NLGN4X: variants seen among roughly 807,000 people sequenced by gnomAD.
NLGN4X encodes the protein neuroligin-4, X-linked.
NLGN4X carries 3 observed loss-of-function variants against 40.3 expected under a neutral mutation model. The observed-to-expected ratio is 0.07, with a 90% CI of 0.03 to 0.19. The LOEUF (loss-of-function observed/expected upper bound fraction) is 0.19. Among genes scored for constraint, NLGN4X ranks in the 10% least tolerant of loss-of-function variants. NLGN4X has a pLI of 1.00. For synonymous variants in NLGN4X, 270 were observed against 306.8 expected, an observed-to-expected ratio of 0.88 and a Z score of 1.25; for missense variants, 382 against 708.3, an observed-to-expected ratio of 0.54 and a Z score of 5.23.
intron 1 of NLGN4X, among the ~76,000 whole-genome samples, chrX:6,225,712 T>C: frequency 1.4e-5 from 1 of 69,080 alleles, no homozygotes; most frequent in African/African-American, 5.9e-5. Flanking sequence ...TTTTTTTTTT[T>C]TTTTTTTTTG....
chrX:6,021,005 T>TCTCTCTCTCTC (rs2036518738), intron 3 of NLGN4X, among the ~76,000 whole-genome samples: 1 of 8,579 alleles, frequency 1.2e-4, no homozygotes, highest in Non-Finnish European at 2.1e-4. Context: ...CCTTCTTTTC[T>TCTCTCTCTCTC]CTCTCTCTCT....
intron 2 of NLGN4X, among the ~76,000 whole-genome samples, chrX:6,042,714 T>C (rs1981663044): frequency 2.6e-5 from 1 of 39,064 alleles, no homozygotes; most frequent in Admixed American, 3.6e-4. Flanking sequence ...TATATATATA[T>C]ATATATATAT....
At chrX:5,930,412 C>T (rs2033505465) in intron 3 of NLGN4X, among the ~76,000 whole-genome samples, 1 of 111,858 alleles carries the variant, frequency 8.9e-6, no homozygotes, top group Non-Finnish European at 1.9e-5. Context: ...CTCACACCCT[C>T]CCCTAAAGCA....
At chrX:5,986,791 A>G (rs781021981) in intron 3 of NLGN4X, among the ~76,000 whole-genome samples, 4 of 112,077 alleles carry the variant, frequency 3.6e-5, no homozygotes, top group Admixed American at 9.5e-5. Flanking sequence ...GAGTAAACAC[A>G]GTGAACACAC....
intron 4 of NLGN4X, among the ~76,000 whole-genome samples, chrX:5,905,769 T>C (rs1301591340): frequency 8.9e-6 from 1 of 112,016 alleles, no homozygotes; most frequent in Non-Finnish European, 1.9e-5. Context: ...AGCCTCTGCC[T>C]TCCAGGCTCA....
At chrX:5,908,190 G>A (rs1448643992) in intron 4 of NLGN4X, among the ~76,000 whole-genome samples, 2 of 107,602 alleles carry the variant, frequency 1.9e-5, no homozygotes, top group Non-Finnish European at 3.9e-5. Flanking sequence ...ACGAGAGAGG[G>A]AAAGAGAAGA....
chrX:6,160,346 C>T (rs1267157810), intron 1 of NLGN4X, among the ~76,000 whole-genome samples: 6 of 110,509 alleles, frequency 5.4e-5, no homozygotes, highest in Non-Finnish European at 1.1e-4. Flanking sequence ...TATAAAAATG[C>T]CACCAGATTT....
chrX:6,176,427 T>C (rs1478073559), intron 1 of NLGN4X, among the ~76,000 whole-genome samples: 1 of 112,293 alleles, frequency 8.9e-6, no homozygotes, highest in Non-Finnish European at 1.9e-5. Flanking sequence ...TGACCATGTG[T>C]TAATACAAGA....
intron 2 of NLGN4X, among the ~76,000 whole-genome samples, chrX:6,125,397 C>A (rs1157337218): frequency 1.2e-5 from 1 of 86,287 alleles, no homozygotes; most frequent in Admixed American, 1.2e-4. Flanking sequence ...CAAGACTGAC[C>A]AAGGAAGAGT....
intron 1 of NLGN4X, among the ~76,000 whole-genome samples, chrX:6,225,681 CTTTTTTTCTTTTTT>C (rs1926171875): frequency 5.6e-4 from 19 of 33,797 alleles, no homozygotes; most frequent in Middle Eastern, 0.021. Context: ...TTTTTTCTTT[CTTTTTTTCTTTTTT>C]TTTTTTTTTT....
chrX:6,168,639 A>AT (rs1005434742), intron 1 of NLGN4X, among the ~76,000 whole-genome samples: 47 of 108,250 alleles, frequency 4.3e-4, no homozygotes, highest in East Asian at 2.9e-3. Flanking sequence ...ATGTCCAGCT[A>AT]TTTTTTTTTT....
intron 3 of NLGN4X, among the ~76,000 whole-genome samples, chrX:5,961,535 C>T (rs897004614): frequency 3.6e-5 from 4 of 112,003 alleles, no homozygotes; most frequent in African/African-American, 1.3e-4. Flanking sequence ...TATATTTTAA[C>T]ACCATATCCC....
intron 2 of NLGN4X, among the ~76,000 whole-genome samples, chrX:6,144,229 C>G (rs1242959320): frequency 1.8e-5 from 2 of 111,545 alleles, no homozygotes; most frequent in Non-Finnish European, 3.8e-5. Context: ...GTAGAAAGCT[C>G]TAAGTGCCCA....
intron 2 of NLGN4X, among the ~76,000 whole-genome samples, chrX:6,098,694 C>T (rs1344591398): frequency 1.8e-5 from 2 of 111,851 alleles, no homozygotes; most frequent in Non-Finnish European, 3.8e-5. Flanking sequence ...ACACCTGTCA[C>T]TTCAGATCCT....
chrX:6,197,427 A>ATT (rs72412595), intron 1 of NLGN4X, among the ~76,000 whole-genome samples: 1,034 of 79,459 alleles, frequency 0.013, 25 homozygotes, highest in African/African-American at 0.038. Context: ...ATGCTCAGCT[A>ATT]TTTTTTTTTT....
chrX:6,226,179 G>A (rs772953070), intron 1 of NLGN4X, among the ~76,000 whole-genome samples: 2 of 109,058 alleles, frequency 1.8e-5, no homozygotes, highest in South Asian at 8.3e-4. Context: ...AAACCCCGCC[G>A]GAACCTCCTA....
At chrX:6,212,150 A>G (rs144568749) in intron 1 of NLGN4X, among the ~76,000 whole-genome samples, 2,485 of 109,616 alleles carry the variant, frequency 0.023, 66 homozygotes, top group African/African-American at 0.078. Context: ...GGAGGCTGAG[A>G]CAGGAGAATG....
intron 2 of NLGN4X, among the ~76,000 whole-genome samples, chrX:6,036,640 A>ACT (rs2037016301): frequency 9.2e-6 from 1 of 109,046 alleles, no homozygotes; most frequent in African/African-American, 3.4e-5. Flanking sequence ...ACACACACAC[A>ACT]CACAGCCCAA....
At chrX:6,179,847 T>C (rs1921236485) in intron 1 of NLGN4X, among the ~76,000 whole-genome samples, 1 of 111,792 alleles carries the variant, frequency 8.9e-6, no homozygotes, top group East Asian at 2.8e-4. Context: ...AGGCGGCCTA[T>C]TCAAGACTCA....
Sources: gnomAD v4.1 joint callset for allele counts (sites outside exome capture counted in the v4.1 genomes callset) on GRCh38, gnomAD v4.1.1 for gene constraint, MANE v1.5 for transcripts, NCBI Gene and HGNC (gene_info 2026-07-23, HGNC 2026-07-21) for gene names.